Variants in RBM47 observed in about 807,000 individuals in gnomAD.
RBM47 encodes RNA binding motif protein 47, also known as RNA-binding protein 47.
A neutral mutation model predicts 47.1 loss-of-function variants in RBM47; 21 were observed. The ratio of observed to expected loss-of-function variants is 0.45; its 90% CI spans 0.32 to 0.64. The LOEUF is 0.64. RBM47 is among the 30% of genes least tolerant of loss of function. The pLI is 0.05. For synonymous variants in RBM47, 375 were observed against 361.7 expected (o/e 1.04, Z -0.42); for missense variants, 708 against 870.9 (o/e 0.81, Z 2.35).
At position 40,423,700 on chromosome 4, in the gene RBM47, CTTTCTTTCTTTCTTTT is replaced by C. The variant is rs1714670264; in HGVS notation, c.*2188_*2203del. 1 of 75,098 alleles carries C rather than the reference CTTTCTTTCTTTCTTTT, an allele frequency of 1.3e-5. No homozygotes were observed. The highest frequency in any genetic ancestry group is 2.5e-5 in the Non-Finnish European group (1 of 40,214). 4.7% of individuals were successfully genotyped at this position (75,098 alleles called of 1,614,324 possible). Reference sequence around the variant, plus strand: ...TCTTTCTTTCTTTCTTTCTTTCTTTCTTTCTTTCTTTCTTTTCTTTCTTTTCTTTCTTCCTCTTCTT... The same window carrying C: ...TCTTTCTTTCTTTCTTTCTTTCTTTCCTTTCTTTTCTTTCTTCCTCTTCTT... On this transcript the variant is annotated 3_prime_UTR_variant, in exon 7 of 7. Coordinates refer to ENST00000295971, the MANE Select transcript of RBM47 (RefSeq NM_001098634.2).
chr4:40,608,458 T>A (rs1735959749), intron 1 of RBM47, among the ~76,000 whole-genome samples: 1 of 152,218 alleles, frequency 6.6e-6, no homozygotes, highest in Non-Finnish European at 1.5e-5. Context: ...ATTAATTTAT[T>A]TTCCAAAATG....
intron 3 of RBM47, among the ~76,000 whole-genome samples, chr4:40,463,328 G>A (rs977261329): frequency 3.9e-5 from 6 of 152,098 alleles, no homozygotes; most frequent in Admixed American, 1.3e-4. Flanking sequence ...ATGATATACC[G>A]CTTCACACTC....
intron 2 of RBM47, among the ~76,000 whole-genome samples, chr4:40,529,730 G>A (rs763746487): frequency 6.7e-6 from 1 of 149,334 alleles, no homozygotes; most frequent in African/African-American, 2.5e-5. Flanking sequence ...TTGGGAGGCT[G>A]AAACAGGAGA....
intron 2 of RBM47, among the ~76,000 whole-genome samples, chr4:40,481,490 TTA>T (rs1445845990): frequency 3.0e-4 from 25 of 83,704 alleles, no homozygotes; most frequent in African/African-American, 7.5e-4. Flanking sequence ...ATTATTATTT[TTA>T]TTTTTATTTT....
chr4:40,629,374 G>A (rs1738023867), intron 1 of RBM47, 22 bp downstream of exon 1: 1 of 152,168 alleles, frequency 6.6e-6, no homozygotes, highest in Non-Finnish European at 1.5e-5. Context: ...ATAGTTAGAA[G>A]GACTACCAAA....
At chr4:40,622,903 G>A (rs1737394134) in intron 1 of RBM47, among the ~76,000 whole-genome samples, 2 of 152,218 alleles carry the variant, frequency 1.3e-5, no homozygotes, top group African/African-American at 4.8e-5. Flanking sequence ...GAGTCACTCT[G>A]GATACTGGGT....
chr4:40,615,172 T>C (rs977669472), intron 1 of RBM47, among the ~76,000 whole-genome samples: 31 of 151,856 alleles, frequency 2.0e-4, no homozygotes, highest in African/African-American at 7.3e-4. Flanking sequence ...TGGCATACAG[T>C]GGGTGCTCAA....
At chr4:40,614,204 C>G (rs1361481332) in intron 1 of RBM47, among the ~76,000 whole-genome samples, 3 of 152,100 alleles carry the variant, frequency 2.0e-5, no homozygotes, top group Non-Finnish European at 4.4e-5. Flanking sequence ...TATTTCCTTC[C>G]TGCGACTTAA....
intron 3 of RBM47, among the ~76,000 whole-genome samples, chr4:40,448,074 G>A (rs957561774): frequency 6.6e-6 from 1 of 151,370 alleles, no homozygotes; most frequent in Non-Finnish European, 1.5e-5. Flanking sequence ...GCGGGTGCCT[G>A]TAATCTCAGC....
chr4:40,547,025 G>T (rs1180721680), intron 1 of RBM47, among the ~76,000 whole-genome samples: 1 of 152,200 alleles, frequency 6.6e-6, no homozygotes, highest in Non-Finnish European at 1.5e-5. Flanking sequence ...CCAGAGTAGA[G>T]ATCAGGTGTT....
intron 1 of RBM47, among the ~76,000 whole-genome samples, chr4:40,579,132 A>AG: frequency 6.8e-6 from 1 of 146,068 alleles, no homozygotes. Context: ...TTAAAAAAAA[A>AG]AAAAATGCAG....
At chr4:40,615,617 C>G (rs769188919) in intron 1 of RBM47, among the ~76,000 whole-genome samples, 11 of 152,054 alleles carry the variant, frequency 7.2e-5, no homozygotes, top group Non-Finnish European at 1.5e-4. Context: ...CCCATCTCTA[C>G]TAAAAATACA....
At chr4:40,583,877 ACAAAAAACAAAAAAAC>A (rs1560486655) in intron 1 of RBM47, among the ~76,000 whole-genome samples, 15 of 57,836 alleles carry the variant, frequency 2.6e-4, no homozygotes, top group South Asian at 4.4e-4. Context: ...AAAACAAAAA[ACAAAAAACAAAAAAAC>A]CAAAAAGCAG....
intron 1 of RBM47, among the ~76,000 whole-genome samples, chr4:40,608,604 G>GCTTA (rs1240438035): frequency 1.3e-5 from 2 of 152,196 alleles, no homozygotes; most frequent in Non-Finnish European, 2.9e-5. Context: ...AGTGAAACAA[G>GCTTA]CTTAGACTTG....
At chr4:40,618,808 C>CA (rs35543412) in intron 1 of RBM47, among the ~76,000 whole-genome samples, 1,423 of 27,348 alleles carry the variant, frequency 0.052, 187 homozygotes, top group East Asian at 0.25. Context: ...GACTCCATCT[C>CA]AAAAAAAAAA....
At chr4:40,546,713 T>C (rs1241096034) in intron 1 of RBM47, among the ~76,000 whole-genome samples, 1 of 152,214 alleles carries the variant, frequency 6.6e-6, no homozygotes, top group East Asian at 1.9e-4. Context: ...CACAGAAACC[T>C]GGCATTTGAC....
At chr4:40,501,079 G>A (rs1009962369) in intron 2 of RBM47, among the ~76,000 whole-genome samples, 1 of 151,774 alleles carries the variant, frequency 6.6e-6, no homozygotes, top group Admixed American at 6.6e-5. Context: ...TAAAACAAGC[G>A]ATCCCGGGTG....
intron 1 of RBM47, among the ~76,000 whole-genome samples, chr4:40,586,281 T>C (rs1345807098): frequency 1.3e-5 from 2 of 152,126 alleles, no homozygotes; most frequent in Non-Finnish European, 2.9e-5. Context: ...TGTAAGTGTC[T>C]TTCCAAAAGA....
Position 40,424,346 on chromosome 4 carries a change from T to A in RBM47, c.*1558A>T, listed in dbSNP as rs565757525. On this transcript the variant is annotated 3_prime_UTR_variant, in exon 7 of 7. Transcript: ENST00000295971. ...ACAATTCCAAGTTGATATTTTTTTT[T>A]AAAAAGTAGATGACAATCTTAACAT... The A allele has an allele frequency of 4.2e-4, 64 of 152,718 alleles. No homozygotes were observed. Among genetic ancestry groups the A allele is most frequent in the South Asian group, 8.3e-4 (4 of 4,826 alleles). The allele number at this position is 152,718 out of a possible 1,614,324, so 9.5% of individuals were successfully genotyped here.
Sources: allele counts gnomAD v4.1 joint callset (sites outside exome capture counted in the v4.1 genomes callset), GRCh38; gene constraint gnomAD v4.1.1; transcripts MANE v1.5; gene names NCBI Gene and HGNC (gene_info 2026-07-23, HGNC 2026-07-21).